TTC7B: variants seen among roughly 807,000 people sequenced by gnomAD.
TTC7B encodes tetratricopeptide repeat protein 7B.
In TTC7B, 28 loss-of-function variants were observed where a neutral mutation model predicts 106.8. That is an observed-to-expected ratio of 0.26 (90% CI 0.19 to 0.36). The LOEUF (loss-of-function observed/expected upper bound fraction) is 0.36. Ranked by LOEUF, TTC7B falls within the 10% of genes least tolerant of loss-of-function variation. The probability of loss-of-function intolerance (pLI) is 1.00; values close to 1 mark genes in which losing one functional copy is unlikely to be tolerated. For synonymous variants in TTC7B, 405 were observed against 430.6 expected, an observed-to-expected ratio of 0.94 and a Z score of 0.74; for missense variants, 862 against 1,076.4, an observed-to-expected ratio of 0.80 and a Z score of 2.79.
At chr14:90,598,976 T>C (rs1486563996) in intron 17 of TTC7B, among the ~76,000 whole-genome samples, 1 of 151,998 alleles carries the variant, frequency 6.6e-6, no homozygotes, top group Admixed American at 6.6e-5. Context: ...GGTGAAACCC[T>C]GTCTCTACTA....
chr14:90,590,904 G>C (rs1055161024), intron 18 of TTC7B, among the ~76,000 whole-genome samples: 1 of 152,208 alleles, frequency 6.6e-6, no homozygotes, highest in South Asian at 2.1e-4. Context: ...TTACAGGGTC[G>C]ACAGTCACTT....
intron 18 of TTC7B, among the ~76,000 whole-genome samples, chr14:90,589,204 T>C (rs895972655): frequency 5.3e-5 from 8 of 152,086 alleles, no homozygotes; most frequent in African/African-American, 1.9e-4. Context: ...AATTAAAGAG[T>C]ACACACCCCT....
At chr14:90,813,105 T>TC (rs2030993690) in intron 1 of TTC7B, among the ~76,000 whole-genome samples, 1 of 152,166 alleles carries the variant, frequency 6.6e-6, no homozygotes, top group Admixed American at 6.5e-5. Flanking sequence ...TGAAGTTCCC[T>TC]CCCTAGAACA....
In TTC7B at chr14:90,655,180, T is replaced by C. The variant is rs574803148; in HGVS notation, c.1342-70A>G. ...TCTAACATGAGTTCCCATAAGCGTCTGCTGCCAAAATTGGATTTCTGATGA... is the reference window on the plus strand; with the variant it reads ...TCTAACATGAGTTCCCATAAGCGTCCGCTGCCAAAATTGGATTTCTGATGA... On this transcript the variant is annotated intron_variant, in intron 11 of 19. Coordinates refer to ENST00000328459, the MANE Select transcript of TTC7B (RefSeq NM_001010854.2). 5 of 1,190,974 alleles carry C rather than the reference T, an allele frequency of 4.2e-6. No individual in the cohort carries two copies. The African/African-American group carries it at 6.0e-5, about 14-fold the overall frequency. The allele number at this position is 1,190,974 out of a possible 1,614,324, so 73.8% of individuals were successfully genotyped here.
intron 19 of TTC7B, among the ~76,000 whole-genome samples, chr14:90,542,191 G>A (rs1169485291): frequency 1.3e-5 from 2 of 152,028 alleles, no homozygotes; most frequent in Non-Finnish European, 2.9e-5. Flanking sequence ...TGCCCACCTC[G>A]GCCTCCCAAA....
At chr14:90,546,057 G>C (rs1889818338) in intron 19 of TTC7B, among the ~76,000 whole-genome samples, 1 of 152,244 alleles carries the variant, frequency 6.6e-6, no homozygotes, top group Admixed American at 6.5e-5. Flanking sequence ...GCTTGGCACA[G>C]GAATGAAAAA....
At chr14:90,815,399 T>TA (rs2031112309) in intron 1 of TTC7B, among the ~76,000 whole-genome samples, 3 of 152,162 alleles carry the variant, frequency 2.0e-5, no homozygotes, top group Admixed American at 6.5e-5. Context: ...ACCAGGCTCC[T>TA]ACTCAGAGGC....
At position 90,593,634 on chromosome 14, in the gene TTC7B, A is replaced by T. The variant is rs764574747; in HGVS notation, c.1967-8T>A. 41 of 1,584,670 alleles carry T rather than the reference A, an allele frequency of 2.6e-5. 1 individual carries two copies. The South Asian group carries it at 4.0e-4, about 16-fold the overall frequency. On this transcript the variant is annotated splice_region_variant and splice_polypyrimidine_tract_variant and intron_variant, in intron 17 of 19. Transcript: ENST00000328459. The stretch of plus-strand genomic sequence containing the variant: ...ATGTGGCATGGACGGAGCCTGTGAG[A>T]GGTTTTTGAGAAGACTCTATCAGGA...
rs1010615036 is a variant in TTC7B, at chr14:90,689,574, G to A, written c.916C>T (p.Leu306Phe). The change falls in exon 7 of 20, where the codon CTC (leucine) becomes TTC (phenylalanine). Residue 306 changes from leucine (L) to phenylalanine (F), a missense_variant. Transcript: ENST00000328459. The part of the protein sequence containing the change: ...RKGANTKTYT[L>F]TRRARVYSGE... ...GAGTAGACACGGGCTCTCCGAGTGA[G>A]AGTGTAGGTTTTTGTGTTTGCTCCT... 2.5e-6 allele frequency: 4 copies of A among 1,614,002 alleles called. No homozygotes were observed. In the Admixed American group the frequency reaches 6.7e-5, roughly 27 times the overall value.
At chr14:90,566,886 C>T (rs1890822566) in intron 19 of TTC7B, among the ~76,000 whole-genome samples, 1 of 152,158 alleles carries the variant, frequency 6.6e-6, no homozygotes, top group African/African-American at 2.4e-5. Flanking sequence ...CTCCTTTCCC[C>T]AGGTGATTGC....
intron 9 of TTC7B, among the ~76,000 whole-genome samples, chr14:90,662,258 G>A (rs978230507): frequency 6.6e-6 from 1 of 152,188 alleles, no homozygotes; most frequent in African/African-American, 2.4e-5. Context: ...AGGCAGGGAA[G>A]GGGCCTCTGG....
chr14:90,550,675 C>T (rs74898843), intron 19 of TTC7B, among the ~76,000 whole-genome samples: 3 of 152,156 alleles, frequency 2.0e-5, no homozygotes, highest in South Asian at 4.2e-4. Context: ...GGGGCCCTTC[C>T]GTGATGCCAG....
intron 16 of TTC7B, among the ~76,000 whole-genome samples, chr14:90,613,371 C>G (rs550707830): frequency 6.6e-6 from 1 of 150,932 alleles, no homozygotes; most frequent in African/African-American, 2.4e-5. Context: ...CCAGCCTGGG[C>G]GACAGAGCAA....
chr14:90,756,384 G>GTTTTTTTTTTTT (rs369068692), intron 3 of TTC7B, among the ~76,000 whole-genome samples: 2 of 126,826 alleles, frequency 1.6e-5, no homozygotes, highest in Non-Finnish European at 1.6e-5. Context: ...TTTTTTTTTT[G>GTTTTTTTTTTTT]TTTTTTTTTT....
At chr14:90,781,934 G>A (rs1891232673) in intron 2 of TTC7B, among the ~76,000 whole-genome samples, 1 of 152,158 alleles carries the variant, frequency 6.6e-6, no homozygotes, top group Non-Finnish European at 1.5e-5. Flanking sequence ...ACCTATATAA[G>A]GAAACAGATT....
In TTC7B at chr14:90,816,302, C is replaced by T. The variant is rs762934911; in HGVS notation, c.-7G>A. 1.1e-5 allele frequency: 13 copies of T among 1,158,392 alleles called. No individual in the cohort carries two copies. Among genetic ancestry groups the T allele is most frequent in the Middle Eastern group, 6.7e-4 (2 of 2,964 alleles). 71.8% of individuals were successfully genotyped at this position (1,158,392 alleles called of 1,614,324 possible). The stretch of plus-strand genomic sequence containing the variant: ...CTGCCTTCTTGGTCGCCATCGCGGC[C>T]TGGCCGGGCCCGGCCGCCCGCCCCG... On this transcript the variant is annotated 5_prime_UTR_variant, in exon 1 of 20. Transcript: ENST00000328459.
chr14:90,589,125 G>A (rs562097007), intron 18 of TTC7B, among the ~76,000 whole-genome samples: 8 of 152,318 alleles, frequency 5.3e-5, no homozygotes, highest in African/African-American at 1.4e-4. Context: ...GAAAGTGGAC[G>A]TTAGCACATT....
In TTC7B at chr14:90,524,604, G is replaced by C. The variant is rs1368636694; in HGVS notation, c.*16764C>G. Reference sequence around the variant, plus strand: ...TTTTATTCAGGAAGAAAAAAGAAAGGGACCTCCCCACTCTTCTCCCCACAG... The same window carrying C: ...TTTTATTCAGGAAGAAAAAAGAAAGCGACCTCCCCACTCTTCTCCCCACAG... On this transcript the variant is annotated 3_prime_UTR_variant, in exon 20 of 20. Transcript: ENST00000328459. 1 of 152,218 alleles carries C rather than the reference G, an allele frequency of 6.6e-6. No individual in the cohort carries two copies. 9.4% of individuals were successfully genotyped at this position (152,218 alleles called of 1,614,324 possible).
Position 90,577,621 on chromosome 14 carries a change from C to G in TTC7B, c.2310+485G>C, listed in dbSNP as rs928413118. ...GACACCCCCGCTGGTAGGATGCTCC[C>G]TCCCAGCCAATGGCCTCAGAGACAT... On this transcript the variant is annotated intron_variant, in intron 19 of 19. Transcript: ENST00000328459. The surrounding 1 kb of genome is among the most constrained non-coding windows in gnomAD (Gnocchi z 5.0). Among the ~76,000 whole-genome samples, 1 of 152,206 alleles carries G rather than the reference C, an allele frequency of 6.6e-6. No homozygotes were observed. The highest frequency in any genetic ancestry group is 1.5e-5 in the Non-Finnish European group (1 of 68,028).
Sources: gnomAD v4.1 joint callset for allele counts (sites outside exome capture counted in the v4.1 genomes callset) on GRCh38, gnomAD v4.1.1 for gene constraint, Gnocchi (gnomAD v3.1) non-coding constraint, MANE v1.5 for transcripts, NCBI Gene and HGNC (gene_info 2026-07-23, HGNC 2026-07-21) for gene names.